GPR137B: variants seen among roughly 807,000 people sequenced by gnomAD.
The protein encoded by GPR137B is integral membrane protein GPR137B.
In GPR137B, 42 loss-of-function variants were observed where a neutral mutation model predicts 42.5. That is an observed-to-expected ratio of 0.99 (90% confidence interval 0.77 to 1.28). The LOEUF (loss-of-function observed/expected upper bound fraction) is 1.28. GPR137B is among the 50% of genes most tolerant of loss of function. GPR137B has a pLI of 0.00. For missense variants in GPR137B, 487 were observed against 493.9 expected (o/e 0.99, Z 0.13); for synonymous variants, 218 against 209.7 (o/e 1.04, Z -0.34).
chr1:236,144,616 G>A (rs957821014), intron 1 of GPR137B, among the ~76,000 whole-genome samples: 1 of 152,230 alleles, frequency 6.6e-6, no homozygotes, highest in African/African-American at 2.4e-5. Context: ...TTTTCCGGTC[G>A]GAGAGTAATG....
In GPR137B at chr1:236,156,784, G is replaced by A. The variant is rs919140890; in HGVS notation, c.415-11922G>A. Among the ~76,000 whole-genome samples the A allele has an allele frequency of 6.6e-6, 1 of 152,198 alleles. No individual in the cohort carries two copies. The highest frequency in any genetic ancestry group is 1.5e-5 in the Non-Finnish European group (1 of 68,040). On this transcript the variant is annotated intron_variant, in intron 1 of 6. Coordinates refer to ENST00000366592, the MANE Select transcript of GPR137B (RefSeq NM_003272.4). The surrounding 1 kb of genome is among the most constrained non-coding windows in gnomAD (Gnocchi z 4.8). ...GTTGCCTGGGGAGACCAGGGCCCTG[G>A]GGTTTGCATAATTTCCCCAATATAT...
At chr1:236,207,096 C>T in intron 6 of GPR137B, 2 of 974,076 alleles carry the variant, frequency 2.1e-6, no homozygotes, top group Non-Finnish European at 2.4e-6. Context: ...CTTTAGAAAA[C>T]TTTTTAAGAG....
At chr1:236,184,357 T>C (rs1662962646) in intron 5 of GPR137B, among the ~76,000 whole-genome samples, 1 of 152,148 alleles carries the variant, frequency 6.6e-6, no homozygotes, top group Non-Finnish European at 1.5e-5. Context: ...AGAGACATCA[T>C]TGTAAGGAAT....
At position 236,154,809 on chromosome 1, in the gene GPR137B, C is replaced by T. The variant is rs1175750008; in HGVS notation, c.414+11773C>T. Among the ~76,000 whole-genome samples, 9 of 152,270 alleles carry T rather than the reference C, an allele frequency of 5.9e-5. No homozygotes were observed. In the East Asian group the frequency reaches 9.7e-4, roughly 16 times the overall value. ...CAGCAAGGATCAGGGCACGATGGTA[C>T]GACACTGCACACTGCCGCACGTGGC... On this transcript the variant is annotated intron_variant, in intron 1 of 6. Coordinates refer to ENST00000366592, the MANE Select transcript of GPR137B (RefSeq NM_003272.4).
chr1:236,159,639 A>G (rs1662131512), intron 1 of GPR137B, among the ~76,000 whole-genome samples: 1 of 152,166 alleles, frequency 6.6e-6, no homozygotes, highest in African/African-American at 2.4e-5. Flanking sequence ...AAAAGAAAAA[A>G]AATAGGCAAG....
rs182616830 is a variant in GPR137B at position 236,150,401 on chromosome 1, G to T, written c.414+7365G>T. Among the ~76,000 whole-genome samples the T allele has an allele frequency of 2.6e-4, 40 of 152,204 alleles. No individual in the cohort carries two copies. The highest frequency in any genetic ancestry group is 5.3e-4 in the Non-Finnish European group (36 of 68,000). On this transcript the variant is annotated intron_variant, in intron 1 of 6. Transcript: ENST00000366592. The surrounding 1 kb of genome is among the most constrained non-coding windows in gnomAD (Gnocchi z 6.2). ...CTGCCGTTCACCCCCAGCACCTCCC[G>T]CAGGCCACTTTCTAAACATACAGCC...
In GPR137B at chr1:236,142,621, C is replaced by T; in HGVS notation, c.-2C>T. On this transcript the variant is annotated 5_prime_UTR_variant, in exon 1 of 7. Coordinates refer to ENST00000366592, the MANE Select transcript of GPR137B (RefSeq NM_003272.4). ...CGGGGGCGGCGGCGGCCGTGAGCCC[C>T]GATGAGGCCCGAGCGTCCCCGGCCG... The T allele has an allele frequency of 1.4e-6, 2 of 1,382,546 alleles. No homozygotes were observed. Among genetic ancestry groups the T allele is most frequent in the Non-Finnish European group, 1.9e-6 (2 of 1,076,964 alleles). 85.6% of individuals were successfully genotyped at this position (1,382,546 alleles called of 1,614,324 possible).
chr1:236,145,608 C>T (rs1323060249), intron 1 of GPR137B, among the ~76,000 whole-genome samples: 8 of 152,164 alleles, frequency 5.3e-5, no homozygotes, highest in African/African-American at 1.2e-4. Context: ...CTGTCCACCT[C>T]GGCCTCCCAA....
chr1:236,190,148 C>CTTCTTTTTTT (rs61093509), intron 5 of GPR137B, among the ~76,000 whole-genome samples: 28 of 119,398 alleles, frequency 2.3e-4, no homozygotes, highest in African/African-American at 5.1e-4. Context: ...CCTGCTTCTT[C>CTTCTTTTTTT]TTTTTTTTTT....
At chr1:236,160,268 A>G (rs144900262) in intron 1 of GPR137B, among the ~76,000 whole-genome samples, 85 of 152,250 alleles carry the variant, frequency 5.6e-4, no homozygotes, top group East Asian at 4.6e-3. Context: ...CGGTGTTTTC[A>G]TAGGCTGTGT....
At position 236,152,768 on chromosome 1, in the gene GPR137B, A is replaced by G. The variant is rs572590679; in HGVS notation, c.414+9732A>G. ...AAACTCCATCTCAAAAAGAAAAACA[A>G]TGTATTGGGCTAGGTGCAGTGGATC... is the stretch of plus-strand genomic sequence containing the variant. On this transcript the variant is annotated intron_variant, in intron 1 of 6. Coordinates refer to ENST00000366592, the MANE Select transcript of GPR137B (RefSeq NM_003272.4). Among the ~76,000 whole-genome samples, 95 of 151,062 alleles carry G rather than the reference A, an allele frequency of 6.3e-4. No individual in the cohort carries two copies. In the South Asian group the frequency reaches 0.011, roughly 17 times the overall value.
chr1:236,197,238 T>G (rs1282242874), intron 5 of GPR137B, among the ~76,000 whole-genome samples: 1 of 152,126 alleles, frequency 6.6e-6, no homozygotes, highest in Non-Finnish European at 1.5e-5. Flanking sequence ...GATTAGTTGT[T>G]TTTTTTTCTT....
At chr1:236,175,157 A>G (rs1315517865) in intron 2 of GPR137B, among the ~76,000 whole-genome samples, 2 of 152,184 alleles carry the variant, frequency 1.3e-5, no homozygotes, top group African/African-American at 4.8e-5. Context: ...GTGCCACTGC[A>G]TTCCAACCTG....
intron 5 of GPR137B, among the ~76,000 whole-genome samples, chr1:236,197,560 G>A (rs2102923024): frequency 6.6e-6 from 1 of 152,210 alleles, no homozygotes; most frequent in Middle Eastern, 3.4e-3. Flanking sequence ...GTTGATTTTT[G>A]TATACGGTGA....
chr1:236,151,428 T>C (rs1463439785), intron 1 of GPR137B, among the ~76,000 whole-genome samples: 1 of 144,390 alleles, frequency 6.9e-6, no homozygotes, highest in East Asian at 2.0e-4. Context: ...ATTTTTTTTT[T>C]TTTTTTTTTT....
At chr1:236,154,296 T>A (rs1377232340) in intron 1 of GPR137B, among the ~76,000 whole-genome samples, 1 of 151,734 alleles carries the variant, frequency 6.6e-6, no homozygotes, top group Non-Finnish European at 1.5e-5. Context: ...ACTCCCACCC[T>A]GCGCCCTGGG....
At chr1:236,168,637 A>G (rs1662434267) in intron 1 of GPR137B, 69 bp from the exon 2 acceptor site, 3 of 1,157,150 alleles carry the variant, frequency 2.6e-6, no homozygotes, top group Non-Finnish European at 3.9e-6. Flanking sequence ...AGGAATTCCC[A>G]GTGATGGTAT....
intron 1 of GPR137B, 38 bp from the exon 2 acceptor site, chr1:236,168,668 A>C (rs374607312): frequency 1.3e-5 from 20 of 1,559,802 alleles, no homozygotes; most frequent in Non-Finnish European, 1.7e-5. Context: ...CTGTCAACAT[A>C]TTGGACCCCA....
At chr1:236,207,221 T>C (rs1477525100) in intron 6 of GPR137B, 2 of 985,236 alleles carry the variant, frequency 2.0e-6, no homozygotes, top group Non-Finnish European at 2.4e-6. Context: ...GGATAAAAGA[T>C]TGTCGCTGAG....
Sources: allele counts gnomAD v4.1 joint callset (sites outside exome capture counted in the v4.1 genomes callset), GRCh38; gene constraint gnomAD v4.1.1; non-coding constraint Gnocchi (gnomAD v3.1); transcripts MANE v1.5; gene names NCBI Gene and HGNC (gene_info 2026-07-23, HGNC 2026-07-21).